Variants in SLC2A9 observed in about 807,000 individuals in gnomAD.
SLC2A9 encodes solute carrier family 2, facilitated glucose transporter member 9.
In SLC2A9, 39 loss-of-function variants were observed where a neutral mutation model predicts 50.6. That is an observed-to-expected ratio of 0.77 (90% CI 0.60 to 1.01). The LOEUF is 1.01. Ranked by LOEUF, SLC2A9 falls within the 50% of genes least tolerant of loss-of-function variation. The pLI is 0.00. For synonymous variants in SLC2A9, 324 were observed against 276.9 expected (o/e 1.17, Z -1.69); for missense variants, 686 against 677.6 (o/e 1.01, Z -0.14).
intron 5 of SLC2A9, among the ~76,000 whole-genome samples, chr4:9,964,933 A>C (rs1452459836): frequency 6.6e-6 from 1 of 152,188 alleles, no homozygotes; most frequent in Non-Finnish European, 1.5e-5. Context: ...AGACATTCGG[A>C]GTAATTATCA....
intron 2 of SLC2A9, among the ~76,000 whole-genome samples, chr4:10,002,402 T>C (rs531272096): frequency 1.9e-4 from 29 of 152,346 alleles, no homozygotes; most frequent in African/African-American, 6.7e-4. Context: ...TTATATAACC[T>C]GCCCACAGTC....
downstream of SLC2A9, among the ~76,000 whole-genome samples, chr4:9,823,398 A>G (rs1724677223): frequency 6.6e-6 from 1 of 151,916 alleles, no homozygotes; most frequent in Non-Finnish European, 1.5e-5. Flanking sequence ...CTAACTCGCC[A>G]CTCCCCATTA....
chr4:10,015,449 G>T (rs2109484872), intron 2 of SLC2A9, among the ~76,000 whole-genome samples: 1 of 152,292 alleles, frequency 6.6e-6, no homozygotes, highest in South Asian at 2.1e-4. Context: ...ATGAAATGAA[G>T]GTAACATCAG....
intron 3 of SLC2A9, among the ~76,000 whole-genome samples, chr4:9,817,804 ATC>A (rs1357006601): frequency 7.9e-5 from 12 of 152,194 alleles, no homozygotes; most frequent in African/African-American, 2.6e-4. Flanking sequence ...CAGCCCCCTA[ATC>A]TCTCTGGAAG....
chr4:9,860,146 C>T (rs753241904), intron 10 of SLC2A9, among the ~76,000 whole-genome samples: 56 of 152,314 alleles, frequency 3.7e-4, no homozygotes, highest in African/African-American at 1.3e-3. Context: ...TAGTACCAGG[C>T]GTTCTCTGTG....
intron 7 of SLC2A9, among the ~76,000 whole-genome samples, chr4:9,913,303 T>TG (rs1742189551): frequency 7.0e-6 from 1 of 142,116 alleles, no homozygotes; most frequent in Admixed American, 7.0e-5. Context: ...TCCTGTGTGT[T>TG]TGTGTGTGTG....
chr4:9,958,456 A>ACCCTTTGCTGGGTCCTCCATG lies in SLC2A9; in HGVS notation c.682-16412_682-16411insCATGGAGGACCCAGCAAAGGG, dbSNP rs1277177066. Among the ~76,000 whole-genome samples, 3 of 152,312 alleles carry ACCCTTTGCTGGGTCCTCCATG rather than the reference A, an allele frequency of 2.0e-5. No homozygotes were observed. The East Asian group carries it at 5.8e-4, about 29-fold the overall frequency. On this transcript the variant is annotated intron_variant, in intron 5 of 11. Transcript: ENST00000264784. ...GGAGTTGAACAATGAGAACACATGGACACAGGGAGGGGAACATCACACAAT... is the reference window on the plus strand; with the variant it reads ...GGAGTTGAACAATGAGAACACATGGACCCTTTGCTGGGTCCTCCATGCACAGGGAGGGGAACATCACACAAT...
rs144708782 is a variant in SLC2A9, at chr4:9,999,060, C to A, written c.250-2119G>T. On this transcript the variant is annotated intron_variant, in intron 2 of 11. Transcript: ENST00000264784. ...GACAGAAGAAATAACTGGGGAGGGA[C>A]ACTTGGTAGGTCCTTCTTTTTTTTT... Among the ~76,000 whole-genome samples the A allele has an allele frequency of 4.2e-3, 585 of 139,470 alleles. 8 individuals are homozygous for A. Among genetic ancestry groups the A allele is most frequent in the South Asian group, 0.026 (107 of 4,110 alleles). The allele number at this position is 139,470 out of a possible 152,430, so 91.5% of individuals were successfully genotyped here. A position where few individuals can be genotyped will look rare whatever the true frequency, so the allele number is the denominator to read the frequency against.
intron 2 of SLC2A9, among the ~76,000 whole-genome samples, chr4:10,012,081 T>C (rs542164586): frequency 6.6e-6 from 1 of 152,332 alleles, no homozygotes; most frequent in East Asian, 1.9e-4. Context: ...TATCTCTACA[T>C]AGCAGAGTTC....
intron 3 of SLC2A9, chr4:9,782,557 C>G (rs532610655): frequency 1.9e-6 from 3 of 1,613,988 alleles, no homozygotes; most frequent in Admixed American, 3.3e-5. Flanking sequence ...TCATTCCGGT[C>G]CAGCTCAACT....
At chr4:9,941,490 T>G (rs760065484) in intron 6 of SLC2A9, among the ~76,000 whole-genome samples, 12 of 152,090 alleles carry the variant, frequency 7.9e-5, no homozygotes, top group Non-Finnish European at 1.8e-4. Context: ...TCTTTTCCTC[T>G]CCTGGCAGGT....
At chr4:9,899,372 C>T (rs1739180397) in intron 8 of SLC2A9, among the ~76,000 whole-genome samples, 1 of 152,258 alleles carries the variant, frequency 6.6e-6, no homozygotes, top group Non-Finnish European at 1.5e-5. Context: ...AGGTACATTA[C>T]ATGAAAAGCA....
intron 7 of SLC2A9, among the ~76,000 whole-genome samples, chr4:9,911,494 G>A (rs1041877857): frequency 1.3e-5 from 2 of 152,088 alleles, no homozygotes; most frequent in African/African-American, 4.8e-5. Context: ...TCCTGCCCCG[G>A]AGCCCCGCCA....
chr4:9,987,613 C>T (rs184011526), intron 3 of SLC2A9, among the ~76,000 whole-genome samples: 3 of 152,242 alleles, frequency 2.0e-5, no homozygotes, highest in Non-Finnish European at 2.9e-5. Context: ...TGCGCTCTTC[C>T]CACCAGCTAA....
At chr4:9,841,861 GT>G (rs1343214461) in intron 10 of SLC2A9, among the ~76,000 whole-genome samples, 1 of 152,118 alleles carries the variant, frequency 6.6e-6, no homozygotes, top group Non-Finnish European at 1.5e-5. Context: ...TGGGGGGAAG[GT>G]ATCTTCTTGA....
chr4:9,893,672 A>C (rs1560256956), intron 8 of SLC2A9, among the ~76,000 whole-genome samples: 1 of 152,126 alleles, frequency 6.6e-6, no homozygotes, highest in Non-Finnish European at 1.5e-5. Context: ...TTCATCAAAG[A>C]GGAGACACTG....
At chr4:9,990,416 A>G (rs1307788530) in intron 3 of SLC2A9, among the ~76,000 whole-genome samples, 1 of 152,118 alleles carries the variant, frequency 6.6e-6, no homozygotes, top group Non-Finnish European at 1.5e-5. Flanking sequence ...CTTACGTTGA[A>G]GGGCTCCCTT....
intron 8 of SLC2A9, among the ~76,000 whole-genome samples, chr4:9,904,753 A>G (rs1162590683): frequency 2.0e-5 from 3 of 152,180 alleles, no homozygotes; most frequent in Non-Finnish European, 1.5e-5. Context: ...CCTCATCCTA[A>G]AGCCAAAGCT....
intron 10 of SLC2A9, among the ~76,000 whole-genome samples, chr4:9,858,165 A>G (rs2109365904): frequency 6.6e-6 from 1 of 152,342 alleles, no homozygotes; most frequent in East Asian, 1.9e-4. Context: ...ATTGATCTGC[A>G]TAGGGAAGCA....
Sources: allele counts gnomAD v4.1 joint callset (sites outside exome capture counted in the v4.1 genomes callset), GRCh38; gene constraint gnomAD v4.1.1; transcripts MANE v1.5; gene names NCBI Gene and HGNC (gene_info 2026-07-23, HGNC 2026-07-21).